The following GPR139 variants were observed in gnomAD, a reference collection of about 807,000 sequenced individuals.
GPR139 encodes the protein G protein-coupled receptor 139, also known as probable G protein-coupled receptor 139.
A neutral mutation model predicts 25.8 loss-of-function variants in GPR139; 12 were observed. The ratio of observed to expected loss-of-function variants is 0.47; its 90% CI spans 0.30 to 0.75. GPR139 has a LOEUF of 0.75. Ranked by LOEUF, GPR139 falls within the 30% of genes least tolerant of loss-of-function variation. The pLI is 0.07. For synonymous variants in GPR139, 184 were observed against 179.9 expected (o/e 1.02, Z -0.18); for missense variants, 380 against 450.2 (o/e 0.84, Z 1.41).
In GPR139 at chr16:20,073,677, C is replaced by T. The variant is rs1199540333; in HGVS notation, c.-61G>A. On this transcript the variant is annotated 5_prime_UTR_variant, in exon 1 of 2. Transcript: ENST00000570682. The surrounding 1 kb of genome is among the most constrained non-coding windows in gnomAD (Gnocchi z 4.7). ...CGGCCTGCCAGCCCGACTCTGGTCG[C>T]CGGCTCGGTGGTGGCGGCGGCGGAG... is the stretch of plus-strand genomic sequence containing the variant. The T allele has an allele frequency of 3.4e-6, 5 of 1,490,330 alleles. No homozygotes were observed. Among genetic ancestry groups the T allele is most frequent in the Non-Finnish European group, 4.5e-6 (5 of 1,121,686 alleles). The allele number at this position is 1,490,330 out of a possible 1,614,324, so 92.3% of individuals were successfully genotyped here. A position where few individuals can be genotyped will look rare whatever the true frequency, so the allele number is the denominator to read the frequency against.
At chr16:20,042,062 A>G (rs953287555) in intron 1 of GPR139, among the ~76,000 whole-genome samples, 1 of 152,166 alleles carries the variant, frequency 6.6e-6, no homozygotes, top group African/African-American at 2.4e-5. Flanking sequence ...CCAGGTTCAA[A>G]TCCCAAGACA....
intron 1 of GPR139, among the ~76,000 whole-genome samples, chr16:20,046,397 C>A (rs1166784696): frequency 6.6e-6 from 1 of 152,216 alleles, no homozygotes; most frequent in Non-Finnish European, 1.5e-5. Flanking sequence ...TGCTCTGCCG[C>A]CAACTAGCTC....
chr16:20,052,525 C>A (rs1049551122), intron 1 of GPR139, among the ~76,000 whole-genome samples: 21 of 152,118 alleles, frequency 1.4e-4, no homozygotes, highest in Non-Finnish European at 1.8e-4. Context: ...CGGCTGGGCG[C>A]GGTGGCTCAC....
Position 20,073,032 on chromosome 16 carries a change from C to T in GPR139, c.127+458G>A, listed in dbSNP as rs936702566. The stretch of plus-strand genomic sequence containing the variant: ...CTTCATCTCGTGTCAGGCGGGGACA[C>T]GCAGAGGGGCAGAGGTGCCCCAAGT... On this transcript the variant is annotated intron_variant, in intron 1 of 1. Coordinates refer to ENST00000570682, the MANE Select transcript of GPR139 (RefSeq NM_001002911.4). The surrounding 1 kb of genome is among the most constrained non-coding windows in gnomAD (Gnocchi z 4.7). 2.0e-5 allele frequency among the ~76,000 whole-genome samples: 3 copies of T among 152,170 alleles called. No individual in the cohort carries two copies. Among genetic ancestry groups the T allele is most frequent in the African/African-American group, 7.2e-5 (3 of 41,444 alleles).
chr16:20,038,325 ATATATG>A (rs1170431167), intron 1 of GPR139, among the ~76,000 whole-genome samples: 27 of 48,930 alleles, frequency 5.5e-4, no homozygotes, highest in East Asian at 4.1e-3. Context: ...TGGATAATAT[ATATATG>A]TGTGTGTGTG....
At position 20,031,882 on chromosome 16, in the gene GPR139, C is replaced by T; in HGVS notation, c.915G>A (p.Lys305=). 6.2e-7 allele frequency: 1 copy of T among 1,614,118 alleles called. No individual in the cohort carries two copies. The highest frequency in any genetic ancestry group is 1.1e-5 in the South Asian group (1 of 91,072). Residue 305 remains lysine, a synonymous_variant, in exon 2 of 2, where the codon AAG becomes AAA. Transcript: ENST00000570682. ...MAAATLKAFF[K]CQKQPVQFYT... Reference sequence around the variant, plus strand: ...AGAACTGTACAGGTTGCTTCTGGCACTTGAAGAAAGCCTTGAGCGTGGCGG... The same window carrying T: ...AGAACTGTACAGGTTGCTTCTGGCATTTGAAGAAAGCCTTGAGCGTGGCGG...
intron 1 of GPR139, among the ~76,000 whole-genome samples, chr16:20,056,060 C>T (rs1327838425): frequency 6.6e-6 from 1 of 152,222 alleles, no homozygotes; most frequent in Non-Finnish European, 1.5e-5. Context: ...AGCAATCTTA[C>T]TATCCATGTT....
intron 1 of GPR139, among the ~76,000 whole-genome samples, chr16:20,046,276 G>T (rs1596466926): frequency 6.6e-6 from 1 of 152,340 alleles, no homozygotes; most frequent in Middle Eastern, 3.4e-3. Context: ...TTACTGAGCT[G>T]CTCACTGTGA....
At chr16:20,058,931 G>T (rs988604988) in intron 1 of GPR139, among the ~76,000 whole-genome samples, 1 of 152,154 alleles carries the variant, frequency 6.6e-6, no homozygotes, top group South Asian at 2.1e-4. Flanking sequence ...CACAGCCCTC[G>T]AGAGCCCGGC....
At chr16:20,055,122 G>A (rs1207376492) in intron 1 of GPR139, among the ~76,000 whole-genome samples, 1 of 144,474 alleles carries the variant, frequency 6.9e-6, no homozygotes, top group Non-Finnish European at 1.5e-5. Flanking sequence ...CGTCTGATAG[G>A]CCCAATGTGT....
intron 1 of GPR139, among the ~76,000 whole-genome samples, chr16:20,057,987 G>C (rs1266333064): frequency 6.6e-6 from 1 of 152,178 alleles, no homozygotes; most frequent in East Asian, 1.9e-4. Context: ...ACAAAGTAGG[G>C]CCTCATGAAA....
intron 1 of GPR139, among the ~76,000 whole-genome samples, chr16:20,065,420 T>C (rs1446006021): frequency 1.3e-5 from 2 of 152,156 alleles, no homozygotes; most frequent in Non-Finnish European, 2.9e-5. Flanking sequence ...TTGGTTATCA[T>C]TGAGGAGCGT....
At chr16:20,033,987 T>TTG (rs1368762064) in intron 1 of GPR139, among the ~76,000 whole-genome samples, 1 of 151,200 alleles carries the variant, frequency 6.6e-6, no homozygotes, top group Non-Finnish European at 1.5e-5. Flanking sequence ...ATCAGTTTTT[T>TTG]TTTTAAAAAA....
chr16:20,063,172 C>A (rs1416992975), intron 1 of GPR139, among the ~76,000 whole-genome samples: 1 of 152,196 alleles, frequency 6.6e-6, no homozygotes, highest in Non-Finnish European at 1.5e-5. Flanking sequence ...TTCTATTGGA[C>A]GGCACGTGTA....
At position 20,031,806 on chromosome 16, in the gene GPR139, T is replaced by C; in HGVS notation, c.991A>G (p.Asn331Asp). Residue 331 changes from asparagine (N) to aspartate (D), a missense_variant, in exon 2 of 2, where the codon AAC becomes GAC. Transcript: ENST00000570682. The stretch of plus-strand genomic sequence containing the variant: ...ACCAGCATCTTGATGCAGTGTGAGT[T>C]TGCCGGCGAGATCCAGGGGCTACTT... ...ITSSPWISPA[N>D]SHCIKMLVYQ... 6.2e-7 allele frequency: 1 copy of C among 1,614,222 alleles called. No individual in the cohort carries two copies.
At chr16:20,046,666 G>A (rs550464488) in intron 1 of GPR139, among the ~76,000 whole-genome samples, 6 of 152,286 alleles carry the variant, frequency 3.9e-5, no homozygotes, top group Admixed American at 1.3e-4. Flanking sequence ...TTGTGGCGAG[G>A]GAAGGCTTCA....
At chr16:20,038,488 T>C (rs2057319168) in intron 1 of GPR139, among the ~76,000 whole-genome samples, 1 of 152,082 alleles carries the variant, frequency 6.6e-6, no homozygotes, top group Non-Finnish European at 1.5e-5. Flanking sequence ...CCCCATCTAA[T>C]TAATGCTTTA....
intron 1 of GPR139, among the ~76,000 whole-genome samples, chr16:20,051,072 A>AAAGAAAG (rs1555466277): frequency 6.9e-6 from 1 of 145,552 alleles, no homozygotes; most frequent in Non-Finnish European, 1.5e-5. Context: ...CAAAAAAAAA[A>AAAGAAAG]AAAGAAAGAA....
chr16:20,031,366 G>A lies in GPR139; in HGVS notation c.*369C>T, dbSNP rs566455581. 2 of 250,370 alleles carry A rather than the reference G, an allele frequency of 8.0e-6. No individual in the cohort carries two copies. The highest frequency in any genetic ancestry group is 5.0e-5 in the Admixed American group (1 of 19,990). The allele number at this position is 250,370 out of a possible 1,614,324, so 15.5% of individuals were successfully genotyped here. ...CTCAGCTATGTGCTACTGGGGCTTG[G>A]TAAGTCCCATAAATGAAGGGTTCCC... is the stretch of plus-strand genomic sequence containing the variant. On this transcript the variant is annotated 3_prime_UTR_variant, in exon 2 of 2. Coordinates refer to ENST00000570682, the MANE Select transcript of GPR139 (RefSeq NM_001002911.4).
Sources: gnomAD v4.1 joint callset for allele counts (sites outside exome capture counted in the v4.1 genomes callset) on GRCh38, gnomAD v4.1.1 for gene constraint, Gnocchi (gnomAD v3.1) non-coding constraint, MANE v1.5 for transcripts, NCBI Gene and HGNC (gene_info 2026-07-23, HGNC 2026-07-21) for gene names.